The following CDC14B variants were observed in gnomAD, a reference collection of about 807,000 sequenced individuals.
CDC14B encodes the protein dual specificity protein phosphatase CDC14B.
A neutral mutation model predicts 64.2 loss-of-function variants in CDC14B; 22 were observed. The observed-to-expected ratio is 0.34, with a 90% CI of 0.24 to 0.49. CDC14B has a LOEUF of 0.49. CDC14B is among the 20% of genes least tolerant of loss of function. The probability of loss-of-function intolerance (pLI) is 0.99; values close to 1 mark genes in which losing one functional copy is unlikely to be tolerated. For synonymous variants in CDC14B, 191 were observed against 215.8 expected (o/e 0.89, Z 1.01); for missense variants, 498 against 629.9 (o/e 0.79, Z 2.24).
intron 12 of CDC14B, among the ~76,000 whole-genome samples, chr9:96,520,672 C>T (rs568004213): frequency 1.8e-4 from 27 of 152,292 alleles, no homozygotes; most frequent in African/African-American, 6.0e-4. Context: ...ACTGATGATG[C>T]TGATTCTGAA....
rs149901070 is a variant in CDC14B, at chr9:96,590,266, T to C, written c.161-24783A>G. Among the ~76,000 whole-genome samples the C allele has an allele frequency of 4.1e-3, 625 of 152,342 alleles. 1 individual carries two copies. Among genetic ancestry groups the C allele is most frequent in the Middle Eastern group, 0.027 (8 of 294 alleles). ...ATTTGTCTTTTCGTGACAAGCTTAT[T>C]GAACGTAGCATAATGCCCTGAAGCT... On this transcript the variant is annotated intron_variant, in intron 1 of 13. Transcript: ENST00000375241.
intron 4 of CDC14B, among the ~76,000 whole-genome samples, chr9:96,559,304 C>T (rs1587964805): frequency 6.6e-6 from 1 of 152,180 alleles, no homozygotes; most frequent in Non-Finnish European, 1.5e-5. Flanking sequence ...TAAACAGAGT[C>T]AGTCTATTTG....
At chr9:96,520,917 C>G (rs1289610867) in intron 12 of CDC14B, among the ~76,000 whole-genome samples, 2 of 151,958 alleles carry the variant, frequency 1.3e-5, no homozygotes, top group Non-Finnish European at 1.5e-5. Context: ...CCTCCTCCAC[C>G]ACATCCAGAA....
intron 1 of CDC14B, among the ~76,000 whole-genome samples, chr9:96,616,547 A>G (rs1847640466): frequency 6.6e-6 from 1 of 151,696 alleles, no homozygotes; most frequent in Non-Finnish European, 1.5e-5. Flanking sequence ...AACATGGTGA[A>G]ACACTGTCTC....
chr9:96,566,727 T>C (rs1217481623), intron 1 of CDC14B: 2 of 1,574,850 alleles, frequency 1.3e-6, no homozygotes, highest in Non-Finnish European at 1.7e-6. Context: ...CCAGCGCGGG[T>C]GCCGGAGCCC....
intron 12 of CDC14B, among the ~76,000 whole-genome samples, chr9:96,516,599 C>A (rs1477163347): frequency 6.6e-6 from 1 of 152,000 alleles, no homozygotes; most frequent in Non-Finnish European, 1.5e-5. Flanking sequence ...CCCACTGCAG[C>A]CTCCTGAGTA....
intron 1 of CDC14B, among the ~76,000 whole-genome samples, chr9:96,612,281 T>A (rs1847369790): frequency 2.0e-5 from 3 of 152,222 alleles, no homozygotes; most frequent in Admixed American, 2.0e-4. Flanking sequence ...GAACCTTTTG[T>A]GCAAGTACAC....
chr9:96,538,971 T>A, intron 7 of CDC14B, 107 bp downstream of exon 7: 1 of 739,836 alleles, frequency 1.4e-6, no homozygotes, highest in Non-Finnish European at 2.4e-6. Flanking sequence ...TATCAAAACA[T>A]TACTTTGTAC....
intron 9 of CDC14B, among the ~76,000 whole-genome samples, chr9:96,529,888 G>T (rs1015356452): frequency 6.6e-6 from 1 of 152,092 alleles, no homozygotes; most frequent in Non-Finnish European, 1.5e-5. Context: ...GATTCCAAAT[G>T]AATTTCAGAA....
At chr9:96,565,733 T>C (rs1272178635) in intron 1 of CDC14B, among the ~76,000 whole-genome samples, 20 of 152,260 alleles carry the variant, frequency 1.3e-4, no homozygotes, top group Admixed American at 1.1e-3. Context: ...TGTAGTGATA[T>C]GACTTCTAAA....
At chr9:96,516,147 A>T (rs1413746186) in intron 12 of CDC14B, among the ~76,000 whole-genome samples, 2 of 152,214 alleles carry the variant, frequency 1.3e-5, no homozygotes, top group Non-Finnish European at 2.9e-5. Context: ...ACAAGGGGCA[A>T]AGGAGGCAAA....
At chr9:96,567,037 G>A in intron 1 of CDC14B, 1 of 1,277,610 alleles carries the variant, frequency 7.8e-7, no homozygotes, top group Non-Finnish European at 1.0e-6. Context: ...ACGAGGCCGT[G>A]GGGACGGACA....
At chr9:96,492,603 G>T (rs892131964) in exon 14 of CDC14B, 1 of 152,384 alleles carries the variant, frequency 6.6e-6, no homozygotes, top group South Asian at 2.1e-4. Context: ...AATTAGCCGG[G>T]CGTGGTGGCA....
chr9:96,615,578 T>A (rs1847573411), intron 1 of CDC14B, among the ~76,000 whole-genome samples: 1 of 152,198 alleles, frequency 6.6e-6, no homozygotes, highest in African/African-American at 2.4e-5. Flanking sequence ...TACTCCACTG[T>A]GAAAGAATCT....
At chr9:96,601,307 G>C (rs1483705740) in intron 1 of CDC14B, among the ~76,000 whole-genome samples, 1 of 152,084 alleles carries the variant, frequency 6.6e-6, no homozygotes, top group Non-Finnish European at 1.5e-5. Context: ...GACCATCCTG[G>C]CCAACATGGT....
At chr9:96,545,919 C>T (rs1438848023) in intron 5 of CDC14B, among the ~76,000 whole-genome samples, 1 of 152,222 alleles carries the variant, frequency 6.6e-6, no homozygotes, top group South Asian at 2.1e-4. Context: ...TCCCACCTTG[C>T]ATTCAGCCTT....
intron 12 of CDC14B, chr9:96,514,849 A>G (rs1254306855): frequency 1.0e-6 from 1 of 985,350 alleles, no homozygotes; most frequent in African/African-American, 1.7e-5. Context: ...TTCTGCAGAA[A>G]TAAAGCCTCT....
intron 1 of CDC14B, among the ~76,000 whole-genome samples, chr9:96,580,523 G>A (rs112220388): frequency 4.7e-4 from 71 of 152,200 alleles, no homozygotes; most frequent in African/African-American, 1.6e-3. Flanking sequence ...GAGCCACTGC[G>A]CCCGGCTAGA....
At chr9:96,606,332 CAAAAAAAAAAAAA>C (rs772460843) in intron 1 of CDC14B, among the ~76,000 whole-genome samples, 4 of 21,054 alleles carry the variant, frequency 1.9e-4, no homozygotes, top group Non-Finnish European at 3.8e-4. Flanking sequence ...GACTCCATCT[CAAAAAAAAAAAAA>C]AAAAAAAAAA....
Sources: gnomAD v4.1 joint callset for allele counts (sites outside exome capture counted in the v4.1 genomes callset) on GRCh38, gnomAD v4.1.1 for gene constraint, MANE v1.5 for transcripts, NCBI Gene and HGNC (gene_info 2026-07-23, HGNC 2026-07-21) for gene names.